The following GRIK2 variants were observed in gnomAD, a reference collection of about 807,000 sequenced individuals.
GRIK2 encodes glutamate ionotropic receptor kainate type subunit 2.
Under a neutral mutation model 100.3 loss-of-function variants are expected in GRIK2, and 32 were observed. The ratio of observed to expected loss-of-function variants is 0.32; its 90% CI spans 0.24 to 0.43. The LOEUF is 0.43. Among genes scored for constraint, GRIK2 ranks in the 20% least tolerant of loss-of-function variants. The pLI, the probability that GRIK2 is intolerant of heterozygous loss-of-function variation, is 1.00. For synonymous variants in GRIK2, 417 were observed against 389.4 expected (o/e 1.07, Z -0.83); for missense variants, 843 against 1,114.9 (o/e 0.76, Z 3.47).
chr6:101,773,542 T>C (rs953332572), intron 7 of GRIK2, among the ~76,000 whole-genome samples: 1 of 151,202 alleles, frequency 6.6e-6, no homozygotes, highest in Non-Finnish European at 1.5e-5. Context: ...GTTAAGGATC[T>C]GAGGTACACT....
intron 10 of GRIK2, among the ~76,000 whole-genome samples, chr6:101,855,745 T>C (rs963228943): frequency 1.3e-5 from 2 of 152,184 alleles, no homozygotes; most frequent in Non-Finnish European, 2.9e-5. Context: ...AAAGCCACTG[T>C]TGGGTTTTAA....
chr6:101,860,986 C>T (rs1784703260), intron 11 of GRIK2: 1 of 731,992 alleles, frequency 1.4e-6, no homozygotes, highest in East Asian at 1.3e-4. Context: ...TCCACTTTCC[C>T]ATACTCGGTA....
chr6:101,673,584 A>G (rs1770597592), intron 4 of GRIK2, among the ~76,000 whole-genome samples: 1 of 152,190 alleles, frequency 6.6e-6, no homozygotes, highest in South Asian at 2.1e-4. Flanking sequence ...CCATGACAGT[A>G]TATAAAAACT....
intron 10 of GRIK2, among the ~76,000 whole-genome samples, chr6:101,851,452 A>C (rs1784121470): frequency 6.6e-6 from 1 of 152,068 alleles, no homozygotes; most frequent in African/African-American, 2.4e-5. Flanking sequence ...ATAAATAAAA[A>C]GTACTTAGGA....
intron 2 of GRIK2, among the ~76,000 whole-genome samples, chr6:101,519,279 A>C (rs1774746567): frequency 6.7e-6 from 1 of 149,466 alleles, no homozygotes; most frequent in Admixed American, 6.7e-5. Flanking sequence ...AGCAGCCCTA[A>C]TGGCGCATTG....
At chr6:101,922,968 A>C (rs1225986216) in intron 12 of GRIK2, among the ~76,000 whole-genome samples, 1 of 152,230 alleles carries the variant, frequency 6.6e-6, no homozygotes, top group African/African-American at 2.4e-5. Context: ...CTAAAACCAA[A>C]GCTAGTTCTA....
intron 12 of GRIK2, among the ~76,000 whole-genome samples, chr6:101,901,758 T>C (rs1490057191): frequency 6.6e-6 from 1 of 151,950 alleles, no homozygotes; most frequent in Non-Finnish European, 1.5e-5. Context: ...TATTTATTTT[T>C]CATTAAGATT....
chr6:101,978,921 A>G (rs1472686572), intron 14 of GRIK2, among the ~76,000 whole-genome samples: 1 of 151,992 alleles, frequency 6.6e-6, no homozygotes, highest in African/African-American at 2.4e-5. Context: ...ACAAATGGAT[A>G]TATTTCTCAA....
chr6:101,954,819 A>G (rs1460196819), intron 14 of GRIK2, among the ~76,000 whole-genome samples: 1 of 152,092 alleles, frequency 6.6e-6, no homozygotes, highest in Non-Finnish European at 1.5e-5. Context: ...TCCTTACACC[A>G]TTATTACATT....
intron 7 of GRIK2, among the ~76,000 whole-genome samples, chr6:101,728,795 A>G (rs899414799): frequency 1.3e-5 from 2 of 152,100 alleles, no homozygotes; most frequent in African/African-American, 2.4e-5. Flanking sequence ...TTGTCTTCCA[A>G]TCAGGAACAT....
At chr6:102,038,721 A>G (rs1446555384) in intron 15 of GRIK2, among the ~76,000 whole-genome samples, 1 of 151,470 alleles carries the variant, frequency 6.6e-6, no homozygotes. Context: ...TTTCTCAGCA[A>G]GAGTTAATGA....
intron 9 of GRIK2, among the ~76,000 whole-genome samples, chr6:101,805,045 A>G (rs1404610954): frequency 6.6e-6 from 1 of 151,930 alleles, no homozygotes; most frequent in Non-Finnish European, 1.5e-5. Flanking sequence ...TCTCTAAAAC[A>G]CAGCGTCTTA....
chr6:101,905,046 T>C (rs1162455550), intron 12 of GRIK2, among the ~76,000 whole-genome samples: 1 of 151,612 alleles, frequency 6.6e-6, no homozygotes, highest in East Asian at 1.9e-4. Flanking sequence ...CAATTATTAA[T>C]GTTCTACTTT....
rs114134025 is a variant in GRIK2 at position 102,012,639 on chromosome 6, T to C, written c.2086-22702T>C. On this transcript the variant is annotated intron_variant, in intron 14 of 16. Transcript: ENST00000369134. ...AAATAGTAATGTGTTTGTTTTTAAT[T>C]TCAAATTACATTTGCTGCTATATAG... Among the ~76,000 whole-genome samples the C allele has an allele frequency of 5.2e-3, 788 of 152,314 alleles. 8 individuals are homozygous for C. The highest frequency in any genetic ancestry group is 0.018 in the African/African-American group (764 of 41,578).
chr6:101,794,139 A>G (rs1222537531), intron 7 of GRIK2, among the ~76,000 whole-genome samples: 2 of 152,050 alleles, frequency 1.3e-5, no homozygotes, highest in African/African-American at 4.8e-5. Flanking sequence ...CAGGAAAGGG[A>G]ACTCCCTGAC....
rs201662349 is a variant in GRIK2 at position 101,791,591 on chromosome 6, T to G, written c.952-8057T>G. On this transcript the variant is annotated intron_variant, in intron 7 of 16. Coordinates refer to ENST00000369134, the MANE Select transcript of GRIK2 (RefSeq NM_021956.5). ...TGAGAGACAGTTTGTTATAATTTCT[T>G]TTTTTTTACATTTGCTGAGGAGAGC... Among the ~76,000 whole-genome samples the G allele has an allele frequency of 3.3e-3, 497 of 151,832 alleles. 4 individuals carry two copies. Among genetic ancestry groups the G allele is most frequent in the South Asian group, 0.018 (84 of 4,792 alleles).
intron 14 of GRIK2, among the ~76,000 whole-genome samples, chr6:102,004,900 T>A (rs1795132288): frequency 6.6e-6 from 1 of 151,736 alleles, no homozygotes; most frequent in South Asian, 2.1e-4. Flanking sequence ...CACAGCAGGA[T>A]CTATTCCTTT....
chr6:101,653,976 A>G (rs1781939675), intron 4 of GRIK2, among the ~76,000 whole-genome samples: 1 of 152,080 alleles, frequency 6.6e-6, no homozygotes. Context: ...CTCTCATGGT[A>G]ATACTTTTCA....
chr6:101,981,424 T>TATC (rs1271543267), intron 14 of GRIK2, among the ~76,000 whole-genome samples: 3 of 151,910 alleles, frequency 2.0e-5, no homozygotes, highest in African/African-American at 7.2e-5. Context: ...GCATTGATTG[T>TATC]ATCATCTTCA....
Sources: gnomAD v4.1 joint callset for allele counts (sites outside exome capture counted in the v4.1 genomes callset) on GRCh38, gnomAD v4.1.1 for gene constraint, MANE v1.5 for transcripts, NCBI Gene and HGNC (gene_info 2026-07-23, HGNC 2026-07-21) for gene names.